OTUD3: variants seen among roughly 807,000 people sequenced by gnomAD.
The protein encoded by OTUD3 is OTU deubiquitinase 3.
OTUD3 carries 24 observed loss-of-function variants against 46.2 expected under a neutral mutation model. The ratio of observed to expected loss-of-function variants is 0.52; its 90% CI spans 0.38 to 0.73. The LOEUF is 0.73. Ranked by LOEUF, OTUD3 falls within the 30% of genes least tolerant of loss-of-function variation. OTUD3 has a pLI of 0.00. For synonymous variants in OTUD3, 189 were observed against 195.4 expected (o/e 0.97, Z 0.27); for missense variants, 455 against 523.3 (o/e 0.87, Z 1.27).
Position 19,904,274 on chromosome 1 carries a change from T to C in OTUD3, c.614T>C (p.Met205Thr). The C allele has an allele frequency of 6.3e-7, 1 of 1,599,294 alleles. No individual in the cohort carries two copies. Among genetic ancestry groups the C allele is most frequent in the Non-Finnish European group, 8.5e-7 (1 of 1,174,576 alleles). The change falls in exon 5 of 8, where the codon ATG becomes ACG. Residue 205 changes from methionine to threonine, a missense_variant. Coordinates refer to ENST00000375120, the MANE Select transcript of OTUD3 (RefSeq NM_015207.2). ...APAHLQTDFQ[M>T]LHQDESNKRE... ...ATTACTTGTTTCCTTTAGTTTCAGATGCTTCATCAAGATGAATCAAATAAA... is the reference window on the plus strand; with the variant it reads ...ATTACTTGTTTCCTTTAGTTTCAGACGCTTCATCAAGATGAATCAAATAAA...
chr1:19,887,056 ATC>A (rs1008647868), intron 1 of OTUD3, among the ~76,000 whole-genome samples: 76 of 151,044 alleles, frequency 5.0e-4, no homozygotes, highest in African/African-American at 1.8e-3. Context: ...AAAATTATTG[ATC>A]TCTCATATTT....
At position 19,910,448 on chromosome 1, in the gene OTUD3, G is replaced by C. The variant is rs779266838; in HGVS notation, c.*2702G>C. ...TTTTAGTGGCAACAGCTTTGAACTA[G>C]AGAGGTAGATGTATTAAAGCAGCAT... On this transcript the variant is annotated 3_prime_UTR_variant, in exon 8 of 8. Transcript: ENST00000375120. 1 of 152,290 alleles carries C rather than the reference G, an allele frequency of 6.6e-6. No individual in the cohort carries two copies. The highest frequency in any genetic ancestry group is 2.1e-4 in the South Asian group (1 of 4,822). 9.4% of individuals were successfully genotyped at this position (152,290 alleles called of 1,614,324 possible). A position where few individuals can be genotyped will look rare whatever the true frequency, so the allele number is the denominator to read the frequency against.
At chr1:19,894,265 A>G in intron 2 of OTUD3, 103 bp from the exon 3 acceptor site, 3 of 627,212 alleles carry the variant, frequency 4.8e-6, no homozygotes, top group Non-Finnish European at 8.3e-6. Flanking sequence ...TCAGATATAT[A>G]TCGTTGTTTC....
intron 4 of OTUD3, among the ~76,000 whole-genome samples, chr1:19,901,063 C>T (rs991433317): frequency 1.3e-5 from 2 of 151,976 alleles, no homozygotes; most frequent in African/African-American, 4.8e-5. Context: ...GCGCTCGCCA[C>T]TACCCTTGGC....
chr1:19,888,221 A>G (rs371859927), intron 1 of OTUD3, among the ~76,000 whole-genome samples: 4 of 152,252 alleles, frequency 2.6e-5, no homozygotes, highest in Non-Finnish European at 5.9e-5. Flanking sequence ...GCCTCCCACA[A>G]CAAAAAAATG....
At chr1:19,905,524 C>T (rs1200672762) in intron 6 of OTUD3, among the ~76,000 whole-genome samples, 2 of 151,856 alleles carry the variant, frequency 1.3e-5, no homozygotes, top group Non-Finnish European at 2.9e-5. Context: ...AGGTGGATCA[C>T]GAGGTCAGGA....
At position 19,911,365 on chromosome 1, in the gene OTUD3, A is replaced by C. The variant is rs371274743; in HGVS notation, c.*3619A>C. 1.4e-4 allele frequency: 21 copies of C among 147,722 alleles called. No individual in the cohort carries two copies. The highest frequency in any genetic ancestry group is 5.2e-4 in the African/African-American group (21 of 40,026). 9.2% of individuals were successfully genotyped at this position (147,722 alleles called of 1,614,324 possible). On this transcript the variant is annotated 3_prime_UTR_variant, in exon 8 of 8. Transcript: ENST00000375120. ...TTTAATAATGGACTTTTTATAAGTTATGTTTTCCTGGCTCTAAAGTAAATT... is the reference window on the plus strand; with the variant it reads ...TTTAATAATGGACTTTTTATAAGTTCTGTTTTCCTGGCTCTAAAGTAAATT...
chr1:19,907,987 A>T lies in OTUD3; in HGVS notation c.*241A>T, dbSNP rs2045686815. ...TCATATTCTGTAATACAAAATTAAA[A>T]TACTGAGTTTTAGGGGCAGATAGTT... On this transcript the variant is annotated 3_prime_UTR_variant, in exon 8 of 8. Coordinates refer to ENST00000375120, the MANE Select transcript of OTUD3 (RefSeq NM_015207.2). 2.6e-6 allele frequency: 1 copy of T among 387,854 alleles called. No homozygotes were observed. The allele number at this position is 387,854 out of a possible 1,614,324, so 24.0% of individuals were successfully genotyped here.
intron 4 of OTUD3, among the ~76,000 whole-genome samples, chr1:19,900,678 C>G (rs939615425): frequency 4.6e-5 from 7 of 152,058 alleles, no homozygotes; most frequent in Admixed American, 3.3e-4. Context: ...ATACTAAATT[C>G]CCATATGTAT....
chr1:19,907,572 CACAA>C lies in OTUD3; in HGVS notation c.1031_1034del (p.Lys344ArgfsTer46), dbSNP rs779304373. 2.1e-5 allele frequency: 34 copies of C among 1,613,746 alleles called. No homozygotes were observed. Among genetic ancestry groups the C allele is most frequent in the Admixed American group, 5.0e-5 (3 of 60,006 alleles). ...ACCACCATGGCCTTCTCTCTCAGGT[CACAA>C]ACAAACAGAGGCGAGAACAGCAGTG... On this transcript the variant is annotated frameshift_variant, in exon 8 of 8. Transcript: ENST00000375120. LOFTEE classifies it high-confidence loss of function.
chr1:19,882,596 C>T lies in OTUD3; in HGVS notation c.83C>T (p.Ala28Val), dbSNP rs1046725375. Residue 28 changes from alanine to valine, a missense_variant, in exon 1 of 8, where the codon GCG becomes GTG. Transcript: ENST00000375120. The part of the protein sequence containing the change: ...AEAERKRDER[A>V]ARRALAKERR... ...GCCGAGCGCAAGCGGGACGAGCGGG[C>T]GGCGCGCCGGGCCCTGGCCAAGGAG... 27 of 1,421,728 alleles carry T rather than the reference C, an allele frequency of 1.9e-5. No individual in the cohort carries two copies. Among genetic ancestry groups the T allele is most frequent in the Non-Finnish European group, 2.5e-5 (27 of 1,091,662 alleles). 88.1% of individuals were successfully genotyped at this position (1,421,728 alleles called of 1,614,324 possible).
intron 1 of OTUD3, among the ~76,000 whole-genome samples, chr1:19,888,506 A>C (rs1046769959): frequency 6.6e-6 from 1 of 152,220 alleles, no homozygotes; most frequent in Non-Finnish European, 1.5e-5. Flanking sequence ...AAGTAATGAA[A>C]AGCATATTAA....
chr1:19,892,292 G>A (rs1215502591), intron 2 of OTUD3, among the ~76,000 whole-genome samples: 1 of 152,206 alleles, frequency 6.6e-6, no homozygotes, highest in East Asian at 1.9e-4. Context: ...TGTGTCAGTT[G>A]AAGGCTTGGC....
chr1:19,907,108 C>A (rs1022379972), intron 7 of OTUD3, among the ~76,000 whole-genome samples: 3 of 152,182 alleles, frequency 2.0e-5, no homozygotes, highest in Non-Finnish European at 4.4e-5. Context: ...GCCCTTCACT[C>A]CCACAAGTAG....
At chr1:19,907,319 T>C (rs2045673570) in intron 7 of OTUD3, among the ~76,000 whole-genome samples, 1 of 152,250 alleles carries the variant, frequency 6.6e-6, no homozygotes, top group Admixed American at 6.5e-5. Flanking sequence ...TGTTACCAAC[T>C]CTTGCTGGAT....
Position 19,897,575 on chromosome 1 carries a change from A to G in OTUD3, c.519A>G (p.Leu173=), listed in dbSNP as rs765492086. ...RGTEKSSVRE[L]HIAYRYGEHY... is the part of the protein sequence containing the mutation. The stretch of plus-strand genomic sequence containing the variant: ...CAGAGAAAAGCAGCGTGAGGGAGTT[A>G]CACATCGCATATCGGTATGGAGAGC... Residue 173 remains leucine (L), a synonymous_variant, in exon 4 of 8, where the codon TTA becomes TTG. Transcript: ENST00000375120. 12 of 1,614,084 alleles carry G rather than the reference A, an allele frequency of 7.4e-6. No individual in the cohort carries two copies. Among genetic ancestry groups the G allele is most frequent in the Non-Finnish European group, 1.0e-5 (12 of 1,179,968 alleles).
chr1:19,892,865 A>T (rs576514759), intron 2 of OTUD3, among the ~76,000 whole-genome samples: 99 of 152,242 alleles, frequency 6.5e-4, no homozygotes, highest in African/African-American at 2.4e-3. Flanking sequence ...TGACCTCAGG[A>T]TAGAGCCCAG....
At chr1:19,897,845 T>G in intron 4 of OTUD3, 183 bp downstream of exon 4, 1 of 506,470 alleles carries the variant, frequency 2.0e-6, no homozygotes, top group South Asian at 3.7e-5. Flanking sequence ...TAAAATTGCT[T>G]ATTATTATTT....
intron 1 of OTUD3, among the ~76,000 whole-genome samples, chr1:19,888,047 A>G (rs2045393996): frequency 6.6e-6 from 1 of 152,164 alleles, no homozygotes; most frequent in Non-Finnish European, 1.5e-5. Flanking sequence ...CCTATAACAC[A>G]GTGGTTCTCA....
Sources: gnomAD v4.1 joint callset for allele counts (sites outside exome capture counted in the v4.1 genomes callset) on GRCh38, gnomAD v4.1.1 for gene constraint, MANE v1.5 for transcripts, NCBI Gene and HGNC (gene_info 2026-07-23, HGNC 2026-07-21) for gene names.